Variants in CDH13 observed in about 807,000 individuals in gnomAD.
The protein encoded by CDH13 is cadherin-13.
A neutral mutation model predicts 63.8 loss-of-function variants in CDH13; 24 were observed. That is an observed-to-expected ratio of 0.38 (90% CI 0.27 to 0.53). The LOEUF (loss-of-function observed/expected upper bound fraction) is 0.53. Ranked by LOEUF, CDH13 falls within the 20% of genes least tolerant of loss-of-function variation. The probability of loss-of-function intolerance (pLI) is 0.85; values close to 1 mark genes in which losing one functional copy is unlikely to be tolerated. For missense variants in CDH13, 1,049 were observed against 903.1 expected, an observed-to-expected ratio of 1.16 and a Z score of -2.07; for synonymous variants, 503 against 355.3, an observed-to-expected ratio of 1.42 and a Z score of -4.67.
At position 82,928,835 on chromosome 16, in the gene CDH13, G is replaced by A. The variant is rs1243234035; in HGVS notation, c.157+70362G>A. Among the ~76,000 whole-genome samples, 4 of 152,186 alleles carry A rather than the reference G, an allele frequency of 2.6e-5. No homozygotes were observed. In the East Asian group the frequency reaches 7.7e-4, roughly 29 times the overall value. On this transcript the variant is annotated intron_variant, in intron 2 of 13. Coordinates refer to ENST00000567109, the MANE Select transcript of CDH13 (RefSeq NM_001257.5). ...GGAGATTGGGGTGACCAGTGTTTCTGAGATGAACTGAAAACACTTAGCCTC... is the reference window on the plus strand; with the variant it reads ...GGAGATTGGGGTGACCAGTGTTTCTAAGATGAACTGAAAACACTTAGCCTC...
chr16:83,209,271 A>G (rs1298858993), intron 4 of CDH13, among the ~76,000 whole-genome samples: 2 of 152,144 alleles, frequency 1.3e-5, no homozygotes, highest in African/African-American at 2.4e-5. Flanking sequence ...CAGGGCCTGG[A>G]TCTGCCGTCC....
chr16:83,289,258 G>C (rs1386394834), intron 5 of CDH13, among the ~76,000 whole-genome samples: 1 of 152,178 alleles, frequency 6.6e-6, no homozygotes, highest in Non-Finnish European at 1.5e-5. Context: ...GGCCTCTACA[G>C]CTTGAAATTG....
chr16:83,206,938 A>G (rs1025354370), intron 4 of CDH13, among the ~76,000 whole-genome samples: 6 of 152,198 alleles, frequency 3.9e-5, no homozygotes, highest in African/African-American at 1.4e-4. Context: ...ACATTAAGGG[A>G]GGACTGGATA....
chr16:82,975,038 C>G (rs1047261396), intron 2 of CDH13, among the ~76,000 whole-genome samples: 2 of 152,226 alleles, frequency 1.3e-5, no homozygotes, highest in Non-Finnish European at 2.9e-5. Flanking sequence ...GTCCTCACGT[C>G]TGCACACCCT....
intron 3 of CDH13, among the ~76,000 whole-genome samples, chr16:83,048,255 A>G (rs775196846): frequency 1.3e-5 from 2 of 152,202 alleles, no homozygotes; most frequent in African/African-American, 2.4e-5. Flanking sequence ...TTGAGTTTTG[A>G]AAAGAACTCA....
At chr16:82,979,391 C>T (rs182238008) in intron 2 of CDH13, among the ~76,000 whole-genome samples, 2 of 152,240 alleles carry the variant, frequency 1.3e-5, no homozygotes, top group Admixed American at 6.5e-5. Flanking sequence ...GCTGTGTCCT[C>T]ATCCAAATTT....
At chr16:83,201,331 G>A (rs912493460) in intron 4 of CDH13, among the ~76,000 whole-genome samples, 9 of 152,024 alleles carry the variant, frequency 5.9e-5, no homozygotes, top group African/African-American at 2.2e-4. Context: ...ATGTCAGGAA[G>A]TATGTCAGGT....
intron 4 of CDH13, among the ~76,000 whole-genome samples, chr16:83,137,673 C>G (rs1597398137): frequency 6.6e-6 from 1 of 152,074 alleles, no homozygotes; most frequent in South Asian, 2.1e-4. Flanking sequence ...TATCACTGCC[C>G]GTTTTTCTCA....
At chr16:83,162,075 G>C (rs1016422736) in intron 4 of CDH13, among the ~76,000 whole-genome samples, 3 of 152,180 alleles carry the variant, frequency 2.0e-5, no homozygotes, top group Non-Finnish European at 4.4e-5. Flanking sequence ...AAGAATTAAA[G>C]GAAAATAGGT....
chr16:83,450,149 C>T (rs1277239084), intron 6 of CDH13, among the ~76,000 whole-genome samples: 2 of 152,168 alleles, frequency 1.3e-5, no homozygotes, highest in Admixed American at 6.5e-5. Flanking sequence ...TGATTCTTTG[C>T]CAGACGGTGG....
At chr16:83,736,110 C>G (rs990696588) in intron 10 of CDH13, among the ~76,000 whole-genome samples, 3 of 152,142 alleles carry the variant, frequency 2.0e-5, no homozygotes, top group African/African-American at 7.2e-5. Flanking sequence ...ATGGATGTAG[C>G]AAATTTAACC....
intron 8 of CDH13, among the ~76,000 whole-genome samples, chr16:83,626,943 C>G (rs1910361424): frequency 1.3e-5 from 2 of 152,142 alleles, no homozygotes; most frequent in Non-Finnish European, 2.9e-5. Flanking sequence ...CATCTCACCT[C>G]TCTCGGCTCT....
At chr16:82,936,109 T>C (rs2042659396) in intron 2 of CDH13, among the ~76,000 whole-genome samples, 1 of 152,154 alleles carries the variant, frequency 6.6e-6, no homozygotes, top group Non-Finnish European at 1.5e-5. Flanking sequence ...TTACTGTACA[T>C]GTGGCTGGCA....
At chr16:83,322,769 A>G (rs1368806710) in intron 5 of CDH13, among the ~76,000 whole-genome samples, 2 of 152,162 alleles carry the variant, frequency 1.3e-5, no homozygotes, top group African/African-American at 2.4e-5. Context: ...TACAGTCATT[A>G]TAATGTCAGG....
chr16:83,578,906 G>A (rs1905285517), intron 7 of CDH13, among the ~76,000 whole-genome samples: 1 of 152,198 alleles, frequency 6.6e-6, no homozygotes, highest in African/African-American at 2.4e-5. Flanking sequence ...GCTTAGTGAG[G>A]TTAACGTACC....
intron 8 of CDH13, among the ~76,000 whole-genome samples, chr16:83,636,295 AT>A (rs1216608275): frequency 6.6e-6 from 1 of 151,842 alleles, no homozygotes; most frequent in Non-Finnish European, 1.5e-5. Flanking sequence ...TTCAGAAAAC[AT>A]TTTTTTTCCT....
chr16:82,660,191 G>A (rs963822458), intron 1 of CDH13, among the ~76,000 whole-genome samples: 2 of 152,150 alleles, frequency 1.3e-5, no homozygotes, highest in Admixed American at 6.5e-5. Flanking sequence ...CAGAAATCAC[G>A]GGAACCAGGG....
chr16:83,753,073 A>T (rs1035181551), intron 11 of CDH13, among the ~76,000 whole-genome samples: 12 of 152,338 alleles, frequency 7.9e-5, no homozygotes, highest in African/African-American at 2.9e-4. Context: ...AACATACAAA[A>T]CCATCGTTAG....
At chr16:83,346,935 C>T (rs1256971582) in intron 6 of CDH13, among the ~76,000 whole-genome samples, 2 of 152,144 alleles carry the variant, frequency 1.3e-5, no homozygotes, top group African/African-American at 4.8e-5. Flanking sequence ...TATAAAAATA[C>T]ATAAAGACTC....
Sources: gnomAD v4.1 joint callset for allele counts (sites outside exome capture counted in the v4.1 genomes callset) on GRCh38, gnomAD v4.1.1 for gene constraint, MANE v1.5 for transcripts, NCBI Gene and HGNC (gene_info 2026-07-23, HGNC 2026-07-21) for gene names.